The following TASOR variants were observed in gnomAD, a reference collection of about 807,000 sequenced individuals.
TASOR encodes transcription activation suppressor.
A neutral mutation model predicts 178.6 loss-of-function variants in TASOR; 53 were observed. The observed-to-expected ratio is 0.30, with a 90% CI of 0.24 to 0.37. TASOR has a LOEUF of 0.37. Among genes scored for constraint, TASOR ranks in the 10% least tolerant of loss-of-function variants. The probability of loss-of-function intolerance (pLI) is 1.00; values close to 1 mark genes in which losing one functional copy is unlikely to be tolerated. For missense variants in TASOR, 1,815 were observed against 1,971.4 expected (o/e 0.92, Z 1.50); for synonymous variants, 713 against 696.2 (o/e 1.02, Z -0.38).
chr3:56,658,979 T>TGTGC (rs1341754655), intron 11 of TASOR, among the ~76,000 whole-genome samples: 7 of 148,386 alleles, frequency 4.7e-5, no homozygotes, highest in Admixed American at 6.7e-5. Flanking sequence ...TGTGTGTGTG[T>TGTGC]GCACGCGTGT....
chr3:56,659,966 C>A (rs1425582663), intron 11 of TASOR, among the ~76,000 whole-genome samples: 1 of 151,926 alleles, frequency 6.6e-6, no homozygotes, highest in Non-Finnish European at 1.5e-5. Flanking sequence ...CCTCTTCCTC[C>A]TGGGTTCAAG....
At chr3:56,660,560 A>G (rs1197214152) in intron 11 of TASOR, among the ~76,000 whole-genome samples, 171 bp downstream of exon 11, 3 of 152,056 alleles carry the variant, frequency 2.0e-5, no homozygotes, top group African/African-American at 7.2e-5. Context: ...CCATGGCCCA[A>G]ATAAAAGAAT....
intron 15 of TASOR, among the ~76,000 whole-genome samples, chr3:56,641,114 C>T (rs993708067): frequency 1.1e-4 from 16 of 151,852 alleles, no homozygotes; most frequent in African/African-American, 3.6e-4. Context: ...AGCTTTATCA[C>T]AAGTAAACTG....
chr3:56,666,593 C>G (rs995415195), intron 6 of TASOR, among the ~76,000 whole-genome samples: 1 of 151,760 alleles, frequency 6.6e-6, no homozygotes, highest in Non-Finnish European at 1.5e-5. Flanking sequence ...GCGTAAGATC[C>G]CAGAGTATTA....
chr3:56,660,314 A>ACC (rs1198158016), intron 11 of TASOR, among the ~76,000 whole-genome samples: 2 of 147,274 alleles, frequency 1.4e-5, no homozygotes, highest in African/African-American at 5.0e-5. Context: ...ACACGGTGAA[A>ACC]CCCCGTCTCT....
intron 11 of TASOR, among the ~76,000 whole-genome samples, chr3:56,653,407 T>C (rs551360905): frequency 8.3e-4 from 102 of 123,176 alleles, no homozygotes; most frequent in African/African-American, 2.8e-3. Context: ...GCTGGATAAA[T>C]AGAAATCTAC....
intron 1 of TASOR, among the ~76,000 whole-genome samples, chr3:56,681,180 GA>G (rs1351365512): frequency 1.3e-5 from 2 of 150,756 alleles, no homozygotes; most frequent in South Asian, 2.1e-4. Context: ...AAGCTGTGAA[GA>G]AAAAAAATAG....
chr3:56,670,241 T>C, intron 3 of TASOR, 96 bp from the exon 4 acceptor site: 1 of 685,908 alleles, frequency 1.5e-6, no homozygotes, highest in Non-Finnish European at 2.4e-6. Context: ...AAAACAAAGC[T>C]TCTTAACTAT....
chr3:56,637,246 T>C (rs2077036325), intron 17 of TASOR, among the ~76,000 whole-genome samples: 1 of 152,170 alleles, frequency 6.6e-6, no homozygotes, highest in South Asian at 2.1e-4. Context: ...GTCATGTACA[T>C]ATGTAAAATT....
chr3:56,682,609 T>C lies in TASOR; in HGVS notation c.331+67A>G, dbSNP rs922757943. Reference sequence around the variant, plus strand: ...CTCGGATGGGTGTGGGAAGAGGAGATAGAAAGATTCTAATGAAAAGATGGA... The same window carrying C: ...CTCGGATGGGTGTGGGAAGAGGAGACAGAAAGATTCTAATGAAAAGATGGA... On this transcript the variant is annotated intron_variant, in intron 1 of 23. Transcript: ENST00000683822. The C allele has an allele frequency of 1.5e-4, 205 of 1,357,338 alleles. 1 individual carries two copies. Among genetic ancestry groups the C allele is most frequent in the Middle Eastern group, 2.0e-4 (1 of 5,004 alleles). The allele number at this position is 1,357,338 out of a possible 1,614,324, so 84.1% of individuals were successfully genotyped here. A position where few individuals can be genotyped will look rare whatever the true frequency, so the allele number is the denominator to read the frequency against.
At chr3:56,634,753 C>T (rs1436518092) in intron 17 of TASOR, among the ~76,000 whole-genome samples, 2 of 152,164 alleles carry the variant, frequency 1.3e-5, no homozygotes, top group African/African-American at 4.8e-5. Flanking sequence ...AAACCTTTCA[C>T]TCTTGACAAA....
intron 7 of TASOR, 191 bp from the exon 8 acceptor site, chr3:56,663,763 C>A: frequency 9.7e-7 from 1 of 1,035,798 alleles, no homozygotes; most frequent in Non-Finnish European, 1.2e-6. Flanking sequence ...AACAGAAGTA[C>A]TTACTTCGCT....
intron 20 of TASOR, 52 bp downstream of exon 20, chr3:56,627,530 A>C: frequency 3.8e-6 from 6 of 1,585,824 alleles, no homozygotes; most frequent in South Asian, 1.1e-5. Flanking sequence ...AGTACATTAA[A>C]AAGTATGAGA....
Position 56,683,041 on chromosome 3 carries a change from C to A in TASOR, c.-35G>T. 2 of 1,486,076 alleles carry A rather than the reference C, an allele frequency of 1.3e-6. No homozygotes were observed. The highest frequency in any genetic ancestry group is 1.8e-6 in the Non-Finnish European group (2 of 1,116,586). The allele number at this position is 1,486,076 out of a possible 1,614,324, so 92.1% of individuals were successfully genotyped here. On this transcript the variant is annotated 5_prime_UTR_variant, in exon 1 of 24. Transcript: ENST00000683822. ...CTAAGGAGCTCTGGGAAGCTTCTGC[C>A]CACAAGGTCGACGGGTGTGGGGGGA...
At chr3:56,676,625 T>C (rs1291500404) in intron 1 of TASOR, among the ~76,000 whole-genome samples, 1 of 152,110 alleles carries the variant, frequency 6.6e-6, no homozygotes, top group Admixed American at 6.6e-5. Context: ...ATATATAAAA[T>C]GTACACAAAA....
In TASOR at chr3:56,621,508, A is replaced by AAACAT; in HGVS notation, c.*1524_*1528dup. On this transcript the variant is annotated 3_prime_UTR_variant, in exon 24 of 24. Transcript: ENST00000683822. Reference sequence around the variant, plus strand: ...AGTCAGGTGTGCACATTTTACTAACAAACATATATCAATGTGATTTCAGGG... The same window carrying AAACAT: ...AGTCAGGTGTGCACATTTTACTAACAAACATAACATATATCAATGTGATTTCAGGG... 6.7e-7 allele frequency: 1 copy of AAACAT among 1,491,056 alleles called. No individual in the cohort carries two copies. Among genetic ancestry groups the AAACAT allele is most frequent in the Non-Finnish European group, 9.2e-7 (1 of 1,092,008 alleles). The allele number at this position is 1,491,056 out of a possible 1,614,324, so 92.4% of individuals were successfully genotyped here. A position where few individuals can be genotyped will look rare whatever the true frequency, so the allele number is the denominator to read the frequency against.
At chr3:56,666,644 G>A (rs988567234) in intron 6 of TASOR, among the ~76,000 whole-genome samples, 7 of 151,838 alleles carry the variant, frequency 4.6e-5, no homozygotes, top group Admixed American at 2.0e-4. Flanking sequence ...GTTGACCACC[G>A]GGAGTTTCCT....
intron 11 of TASOR, among the ~76,000 whole-genome samples, chr3:56,652,085 A>G (rs1415853741): frequency 6.6e-6 from 1 of 152,216 alleles, no homozygotes; most frequent in African/African-American, 2.4e-5. Flanking sequence ...ACCGAACGCC[A>G]CATATTCTTG....
intron 14 of TASOR, among the ~76,000 whole-genome samples, chr3:56,642,282 TAAA>T (rs1279147261): frequency 2.0e-5 from 3 of 152,220 alleles, no homozygotes; most frequent in Non-Finnish European, 2.9e-5. Context: ...ATTATAGAGA[TAAA>T]ATCACCCTGA....
Sources: allele counts gnomAD v4.1 joint callset (sites outside exome capture counted in the v4.1 genomes callset), GRCh38; gene constraint gnomAD v4.1.1; transcripts MANE v1.5; gene names NCBI Gene and HGNC (gene_info 2026-07-23, HGNC 2026-07-21).